Variants in SGK1 observed in about 807,000 individuals in gnomAD.
SGK1 encodes the protein serum/glucocorticoid regulated kinase 1.
In SGK1, 26 loss-of-function variants were observed where a neutral mutation model predicts 64.2. The ratio of observed to expected loss-of-function variants is 0.40; its 90% CI spans 0.30 to 0.56. The LOEUF (loss-of-function observed/expected upper bound fraction) is 0.56. Ranked by LOEUF, SGK1 falls within the 20% of genes least tolerant of loss-of-function variation. SGK1 has a pLI of 0.38. For synonymous variants in SGK1, 265 were observed against 239.7 expected, an observed-to-expected ratio of 1.11 and a Z score of -0.98; for missense variants, 519 against 645.6, an observed-to-expected ratio of 0.80 and a Z score of 2.12.
chr6:134,169,452 A>G lies in SGK1; in HGVS notation c.*816T>C, dbSNP rs1774935566. 1 of 152,406 alleles carries G rather than the reference A, an allele frequency of 6.6e-6. No individual in the cohort carries two copies. The highest frequency in any genetic ancestry group is 1.9e-4 in the East Asian group (1 of 5,202). 9.4% of individuals were successfully genotyped at this position (152,406 alleles called of 1,614,324 possible). A position where few individuals can be genotyped will look rare whatever the true frequency, so the allele number is the denominator to read the frequency against. On this transcript the variant is annotated 3_prime_UTR_variant, in exon 14 of 14. Transcript: ENST00000367858. ...CCCAATGTACAGACGTTCTTTATAC[A>G]ATACATACAATTATCAGGAATGCAA...
chr6:134,242,103 A>G (rs1776457103), intron 2 of SGK1, among the ~76,000 whole-genome samples: 2 of 152,224 alleles, frequency 1.3e-5, no homozygotes, highest in Admixed American at 6.5e-5. Context: ...TTAAAACTGC[A>G]TGAAGGGATT....
At chr6:134,228,470 T>C (rs1776222612) in intron 2 of SGK1, among the ~76,000 whole-genome samples, 1 of 152,200 alleles carries the variant, frequency 6.6e-6, no homozygotes, top group African/African-American at 2.4e-5. Flanking sequence ...AGAATATACT[T>C]CTTGAATAAA....
chr6:134,264,078 A>C (rs1265858344), intron 1 of SGK1, among the ~76,000 whole-genome samples: 1 of 151,506 alleles, frequency 6.6e-6, no homozygotes, highest in Non-Finnish European at 1.5e-5. Flanking sequence ...GGATCCAGGC[A>C]CCTTGAATCC....
intron 3 of SGK1, among the ~76,000 whole-genome samples, chr6:134,186,086 G>A (rs183677357): frequency 2.0e-5 from 3 of 152,210 alleles, no homozygotes; most frequent in East Asian, 3.9e-4. Flanking sequence ...AGTTCTCTAC[G>A]TATTCCTTAA....
intron 3 of SGK1, among the ~76,000 whole-genome samples, chr6:134,206,350 TATATATATATATATATATATATA>T (rs1775770664): frequency 9.3e-5 from 1 of 10,734 alleles, no homozygotes; most frequent in Admixed American, 9.5e-4. Context: ...TATATATATA[TATATATATATATATATATATATA>T]TATATATATA....
intron 3 of SGK1, among the ~76,000 whole-genome samples, chr6:134,177,303 A>C (rs1286322868): frequency 1.3e-5 from 2 of 152,224 alleles, no homozygotes; most frequent in Non-Finnish European, 2.9e-5. Flanking sequence ...AGCAATGTTT[A>C]GGCAATTTCA....
chr6:134,216,471 G>A (rs1341363101), intron 2 of SGK1, among the ~76,000 whole-genome samples: 1 of 152,166 alleles, frequency 6.6e-6, no homozygotes, highest in Admixed American at 6.6e-5. Context: ...CTTGCAAATA[G>A]TAATTTTGAA....
At chr6:134,262,890 CT>C (rs34337845) in intron 1 of SGK1, among the ~76,000 whole-genome samples, 16,151 of 145,030 alleles carry the variant, frequency 0.11, 1,031 homozygotes, top group African/African-American at 0.19. Flanking sequence ...AAAAAAATAA[CT>C]TTTTTTTTTT....
chr6:134,251,314 A>G (rs1168190802), intron 2 of SGK1, among the ~76,000 whole-genome samples: 1 of 152,322 alleles, frequency 6.6e-6, no homozygotes, highest in East Asian at 1.9e-4. Flanking sequence ...TAGTTCATAC[A>G]AAGTCTTCTT....
intron 3 of SGK1, chr6:134,177,857 G>C (rs777252000): frequency 6.3e-7 from 1 of 1,586,720 alleles, no homozygotes; most frequent in South Asian, 1.1e-5. Context: ...TCCCTGTTCT[G>C]TTATGAACCC....
intron 3 of SGK1, among the ~76,000 whole-genome samples, chr6:134,177,239 AC>A (rs11309584): frequency 0.5 from 75,466 of 151,468 alleles, 19,361 homozygotes; most frequent in African/African-American, 0.58. Flanking sequence ...CAAAAACAAA[AC>A]AAAAACAAAA....
At chr6:134,232,038 C>CA (rs60207020) in intron 2 of SGK1, among the ~76,000 whole-genome samples, 17,758 of 102,300 alleles carry the variant, frequency 0.17, 1,518 homozygotes, top group African/African-American at 0.3. Flanking sequence ...GACTTCATCT[C>CA]AAAAAAAAAA....
chr6:134,244,108 C>T (rs1368868927), intron 2 of SGK1, among the ~76,000 whole-genome samples: 1 of 152,152 alleles, frequency 6.6e-6, no homozygotes, highest in Non-Finnish European at 1.5e-5. Flanking sequence ...GGTATTTCTC[C>T]TAATGCCATC....
chr6:134,271,005 T>G (rs1229902194), intron 1 of SGK1, among the ~76,000 whole-genome samples: 1 of 138,936 alleles, frequency 7.2e-6, no homozygotes, highest in Non-Finnish European at 1.5e-5. Flanking sequence ...ACAGGTGAAG[T>G]TTTTCTCATT....
intron 2 of SGK1, among the ~76,000 whole-genome samples, chr6:134,242,665 A>G (rs983851145): frequency 6.7e-6 from 1 of 149,976 alleles, no homozygotes; most frequent in Non-Finnish European, 1.5e-5. Flanking sequence ...GGGTCTTGCT[A>G]TGTTGCCCAG....
At chr6:134,290,171 A>G (rs1216422090) in intron 1 of SGK1, among the ~76,000 whole-genome samples, 1 of 151,064 alleles carries the variant, frequency 6.6e-6, no homozygotes, top group Admixed American at 6.6e-5. Context: ...AAAAAAAAAA[A>G]AAATTAGCTA....
intron 2 of SGK1, among the ~76,000 whole-genome samples, chr6:134,235,730 C>T (rs1776355533): frequency 6.6e-6 from 1 of 151,850 alleles, no homozygotes; most frequent in African/African-American, 2.4e-5. Flanking sequence ...CACCACCATG[C>T]CTGGCTAATT....
At chr6:134,201,991 C>T (rs1002556437) in intron 3 of SGK1, among the ~76,000 whole-genome samples, 2 of 151,838 alleles carry the variant, frequency 1.3e-5, no homozygotes, top group Non-Finnish European at 2.9e-5. Context: ...TATTTAACTT[C>T]CTAAACCTGA....
At chr6:134,173,427 G>A (rs376033941) in intron 6 of SGK1, 35 bp downstream of exon 6, 3 of 1,576,378 alleles carry the variant, frequency 1.9e-6, no homozygotes, top group Non-Finnish European at 2.6e-6. Context: ...GGACATGAAG[G>A]AAGTGTACCA....
Sources: allele counts gnomAD v4.1 joint callset (sites outside exome capture counted in the v4.1 genomes callset), GRCh38; gene constraint gnomAD v4.1.1; transcripts MANE v1.5; gene names NCBI Gene and HGNC (gene_info 2026-07-23, HGNC 2026-07-21).